EBF1: variants seen among roughly 807,000 people sequenced by gnomAD.
EBF1 encodes the protein EBF transcription factor 1.
EBF1 carries 10 observed loss-of-function variants against 68.4 expected under a neutral mutation model. That is an observed-to-expected ratio of 0.15 (90% CI 0.09 to 0.25). The LOEUF (loss-of-function observed/expected upper bound fraction) is 0.25. Ranked by LOEUF, EBF1 falls within the 10% of genes least tolerant of loss-of-function variation. The pLI is 1.00. For missense variants in EBF1, 509 were observed against 794.4 expected (o/e 0.64, Z 4.32); for synonymous variants, 298 against 299.8 (o/e 0.99, Z 0.06).
chr5:159,065,796 T>G (rs1776699225), intron 6 of EBF1, among the ~76,000 whole-genome samples: 1 of 152,212 alleles, frequency 6.6e-6, no homozygotes, highest in South Asian at 2.1e-4. Context: ...TTCCCTGCCC[T>G]GGCTCTGAAA....
chr5:158,758,229 A>G (rs1176598048), intron 10 of EBF1, among the ~76,000 whole-genome samples: 1 of 152,232 alleles, frequency 6.6e-6, no homozygotes, highest in South Asian at 2.1e-4. Flanking sequence ...TTTACTTAAC[A>G]TCTACTGGGT....
intron 9 of EBF1, among the ~76,000 whole-genome samples, chr5:158,795,006 C>T (rs1420341914): frequency 6.6e-6 from 1 of 152,138 alleles, no homozygotes; most frequent in Non-Finnish European, 1.5e-5. Context: ...CAAATGCATA[C>T]CCCTTGTTTG....
chr5:159,000,712 C>T (rs1561757077), intron 6 of EBF1, among the ~76,000 whole-genome samples: 2 of 152,114 alleles, frequency 1.3e-5, no homozygotes, highest in Non-Finnish European at 2.9e-5. Flanking sequence ...TATTAATGAA[C>T]ATAAATCGTT....
intron 11 of EBF1, among the ~76,000 whole-genome samples, chr5:158,729,393 A>G (rs1051697561): frequency 6.0e-5 from 7 of 117,206 alleles, no homozygotes; most frequent in Admixed American, 5.5e-4. Flanking sequence ...ACTGGGAACA[A>G]TGGGAAGAAT....
intron 6 of EBF1, among the ~76,000 whole-genome samples, chr5:158,886,911 A>G (rs1800157691): frequency 6.6e-6 from 1 of 152,186 alleles, no homozygotes; most frequent in Non-Finnish European, 1.5e-5. Flanking sequence ...CTGAGGCAGG[A>G]GAATTGCTTG....
At chr5:158,747,755 G>A (rs747835484) in intron 10 of EBF1, among the ~76,000 whole-genome samples, 7 of 152,198 alleles carry the variant, frequency 4.6e-5, no homozygotes, top group Non-Finnish European at 1.0e-4. Context: ...GTAGTTCATA[G>A]TAATTGATGC....
At chr5:158,868,677 A>G (rs1289659114) in intron 6 of EBF1, among the ~76,000 whole-genome samples, 1 of 152,218 alleles carries the variant, frequency 6.6e-6, no homozygotes, top group East Asian at 1.9e-4. Flanking sequence ...GTGCAACAGT[A>G]CAGACTAGCA....
chr5:159,076,383 C>G (rs1316789585), intron 5 of EBF1, among the ~76,000 whole-genome samples: 1 of 152,126 alleles, frequency 6.6e-6, no homozygotes, highest in East Asian at 1.9e-4. Flanking sequence ...GTAGAACAAA[C>G]CACCTCCCCC....
intron 6 of EBF1, among the ~76,000 whole-genome samples, chr5:158,917,993 A>C (rs1807587476): frequency 6.6e-6 from 1 of 152,194 alleles, no homozygotes; most frequent in Non-Finnish European, 1.5e-5. Flanking sequence ...AACACTGCCC[A>C]GAACACTGAG....
At chr5:158,898,038 A>G (rs1428134751) in intron 6 of EBF1, among the ~76,000 whole-genome samples, 1 of 152,212 alleles carries the variant, frequency 6.6e-6, no homozygotes, top group Admixed American at 6.5e-5. Flanking sequence ...ACTGTGTAAA[A>G]GGGAATCTTT....
At chr5:158,735,742 G>C (rs2127557449) in intron 10 of EBF1, among the ~76,000 whole-genome samples, 1 of 152,272 alleles carries the variant, frequency 6.6e-6, no homozygotes, top group Admixed American at 6.5e-5. Context: ...CTGGCTTTAT[G>C]TTGGGACTGC....
rs1176551966 is a variant in EBF1 at position 158,697,537 on chromosome 5, TG to T, written c.*1573del. 49 of 208,700 alleles carry T rather than the reference TG, an allele frequency of 2.3e-4. No homozygotes were observed. Among genetic ancestry groups the T allele is most frequent in the Non-Finnish European group, 4.1e-4 (42 of 102,462 alleles). The allele number at this position is 208,700 out of a possible 1,614,324, so 12.9% of individuals were successfully genotyped here. A position where few individuals can be genotyped will look rare whatever the true frequency, so the allele number is the denominator to read the frequency against. On this transcript the variant is annotated 3_prime_UTR_variant, in exon 16 of 16. Coordinates refer to ENST00000313708, the MANE Select transcript of EBF1 (RefSeq NM_024007.5). ...AGGAAGAGGAAGAAGGGAAAAGCAA[TG>T]TACAAATTCGAAAGATAAATACATT...
intron 6 of EBF1, among the ~76,000 whole-genome samples, chr5:159,064,751 T>C (rs1380190480): frequency 6.6e-6 from 1 of 152,176 alleles, no homozygotes; most frequent in Non-Finnish European, 1.5e-5. Context: ...CATTAGAATC[T>C]GGCTTTAGGA....
In EBF1 at chr5:159,068,779, T is replaced by C. The variant is rs148467570; in HGVS notation, c.554+4617A>G. Among the ~76,000 whole-genome samples the C allele has an allele frequency of 3.0e-4, 45 of 152,264 alleles. No homozygotes were observed. The East Asian group carries it at 7.7e-3, about 26-fold the overall frequency. On this transcript the variant is annotated intron_variant, in intron 6 of 15. Coordinates refer to ENST00000313708, the MANE Select transcript of EBF1 (RefSeq NM_024007.5). ...GTTACCTAAATGGAAGTGATCTAGATGTGGAAGATCTTTAGACAAATCTGG... is the reference window on the plus strand; with the variant it reads ...GTTACCTAAATGGAAGTGATCTAGACGTGGAAGATCTTTAGACAAATCTGG...
intron 14 of EBF1, among the ~76,000 whole-genome samples, chr5:158,711,755 C>T (rs1008302965): frequency 2.2e-4 from 34 of 151,848 alleles, no homozygotes; most frequent in African/African-American, 8.2e-4. Flanking sequence ...CTCACTGTAA[C>T]CTTGAACTCC....
At chr5:158,951,550 C>T (rs1244997902) in intron 6 of EBF1, among the ~76,000 whole-genome samples, 3 of 152,168 alleles carry the variant, frequency 2.0e-5, no homozygotes, top group Admixed American at 6.5e-5. Context: ...GTCTTCTTCC[C>T]GCCAATGTGC....
At chr5:159,036,048 TA>T in intron 6 of EBF1, among the ~76,000 whole-genome samples, 1 of 152,274 alleles carries the variant, frequency 6.6e-6, no homozygotes, top group Admixed American at 6.5e-5. Context: ...ACTTGGTTCT[TA>T]GGGAATATTG....
intron 12 of EBF1, 147 bp from the exon 13 acceptor site, chr5:158,713,294 G>T: frequency 1.5e-6 from 1 of 687,818 alleles, no homozygotes; most frequent in Non-Finnish European, 2.1e-6. Context: ...TGTTATATTA[G>T]TCTCACCATC....
At chr5:158,901,745 C>T (rs902756174) in intron 6 of EBF1, among the ~76,000 whole-genome samples, 3 of 152,092 alleles carry the variant, frequency 2.0e-5, no homozygotes, top group African/African-American at 7.2e-5. Context: ...ATAGAGAATG[C>T]AGTAACTTCC....
Sources: allele counts gnomAD v4.1 joint callset (sites outside exome capture counted in the v4.1 genomes callset), GRCh38; gene constraint gnomAD v4.1.1; transcripts MANE v1.5; gene names NCBI Gene and HGNC (gene_info 2026-07-23, HGNC 2026-07-21).